The following BTAF1 variants were observed in gnomAD, a reference collection of about 807,000 sequenced individuals.
BTAF1 encodes the protein B-TFIID TATA-box binding protein associated factor 1.
In BTAF1, 38 loss-of-function variants were observed where a neutral mutation model predicts 227.1. That is an observed-to-expected ratio of 0.17 (90% CI 0.13 to 0.22). The LOEUF is 0.22. BTAF1 is among the 10% of genes least tolerant of loss of function. The pLI is 1.00. For synonymous variants in BTAF1, 742 were observed against 751.9 expected (o/e 0.99, Z 0.21); for missense variants, 1,598 against 2,204.0 (o/e 0.73, Z 5.51).
intron 35 of BTAF1, among the ~76,000 whole-genome samples, chr10:92,026,078 T>C (rs1397350528): frequency 6.6e-6 from 1 of 152,220 alleles, no homozygotes; most frequent in Non-Finnish European, 1.5e-5. Context: ...GCTTGACTTG[T>C]AGTAAGGATA....
At chr10:91,958,659 C>T (rs900460742) in intron 8 of BTAF1, among the ~76,000 whole-genome samples, 22 of 152,094 alleles carry the variant, frequency 1.4e-4, no homozygotes, top group African/African-American at 5.3e-4. Flanking sequence ...GCCAAGATTG[C>T]ACCACTGCCC....
intron 14 of BTAF1, among the ~76,000 whole-genome samples, chr10:91,969,040 ATT>A (rs77465388): frequency 1.0e-4 from 13 of 130,466 alleles, no homozygotes; most frequent in Non-Finnish European, 1.2e-4. Context: ...AAAAAAAAAA[ATT>A]TTTTTTTTTT....
At position 91,957,302 on chromosome 10, in the gene BTAF1, T is replaced by A; in HGVS notation, c.900+9T>A. The A allele has an allele frequency of 6.2e-7, 1 of 1,603,600 alleles. No homozygotes were observed. The highest frequency in any genetic ancestry group is 8.5e-7 in the Non-Finnish European group (1 of 1,172,110). On this transcript the variant is annotated intron_variant, in intron 8 of 37. Coordinates refer to ENST00000265990, the MANE Select transcript of BTAF1 (RefSeq NM_003972.3). ...TTAATCCCTCCTGGGAGGTAAGATT[T>A]CTTCATTACAGTTTTTCTCAGCTCT...
Position 91,996,482 on chromosome 10 carries a change from A to C in BTAF1, c.3423A>C (p.Thr1141=). 6.2e-7 allele frequency: 1 copy of C among 1,614,194 alleles called. No homozygotes were observed. Among genetic ancestry groups the C allele is most frequent in the Non-Finnish European group, 8.5e-7 (1 of 1,180,024 alleles). ...GVMSKIATME[T]MNIFLEKVLP... is the part of the protein sequence containing the mutation. ...TGAGCAAAATAGCTACCATGGAAACAATGAATATTTTTTTGGAGAAGGTTC... is the reference window on the plus strand; with the variant it reads ...TGAGCAAAATAGCTACCATGGAAACCATGAATATTTTTTTGGAGAAGGTTC... Residue 1141 remains threonine, a synonymous_variant, in exon 24 of 38, where the codon ACA becomes ACC. Coordinates refer to ENST00000265990, the MANE Select transcript of BTAF1 (RefSeq NM_003972.3).
chr10:92,013,865 T>C (rs1276903674), intron 31 of BTAF1, 34 bp from the exon 32 acceptor site: 1 of 1,612,930 alleles, frequency 6.2e-7, no homozygotes, highest in East Asian at 2.2e-5. Flanking sequence ...ATTCTTAACT[T>C]TTTTGAAGCC....
At chr10:91,928,760 T>TCCCCCCCCCCCCCC (rs60208547) in intron 1 of BTAF1, among the ~76,000 whole-genome samples, 1 of 111,812 alleles carries the variant, frequency 8.9e-6, no homozygotes, top group Non-Finnish European at 1.7e-5. Flanking sequence ...CAAGAATCCA[T>TCCCCCCCCCCCCCC]CCCCCCCCCC....
intron 30 of BTAF1, among the ~76,000 whole-genome samples, chr10:92,011,933 A>C (rs1564716224): frequency 6.6e-6 from 1 of 152,012 alleles, no homozygotes; most frequent in Non-Finnish European, 1.5e-5. Context: ...AAATGTTCAC[A>C]TCTAGCTTGG....
Position 91,992,041 on chromosome 10 carries a change from T to G in BTAF1, c.2855-78T>G, listed in dbSNP as rs1271970877. 3 of 1,236,854 alleles carry G rather than the reference T, an allele frequency of 2.4e-6. No homozygotes were observed. In the Admixed American group the frequency reaches 7.8e-5, roughly 32 times the overall value. The allele number at this position is 1,236,854 out of a possible 1,614,324, so 76.6% of individuals were successfully genotyped here. ...CCTAAAAGACATAGTTTAAAAATGT[T>G]TTATCTCTTATGGAGCTGAAAACAT... is the stretch of plus-strand genomic sequence containing the variant. On this transcript the variant is annotated intron_variant, in intron 20 of 37. Coordinates refer to ENST00000265990, the MANE Select transcript of BTAF1 (RefSeq NM_003972.3).
intron 5 of BTAF1, 101 bp from the exon 6 acceptor site, chr10:91,953,636 A>G (rs1178812744): frequency 3.1e-6 from 4 of 1,286,976 alleles, no homozygotes; most frequent in Non-Finnish European, 4.3e-6. Flanking sequence ...ATCGATGTAT[A>G]TATACTGAAA....
chr10:91,927,200 G>A (rs1328750807), intron 1 of BTAF1, among the ~76,000 whole-genome samples: 1 of 150,976 alleles, frequency 6.6e-6, no homozygotes, highest in Non-Finnish European at 1.5e-5. Context: ...GTGCAATGGT[G>A]CGTTCTTGAC....
At chr10:92,003,750 C>T (rs1320105246) in intron 25 of BTAF1, among the ~76,000 whole-genome samples, 3 of 152,122 alleles carry the variant, frequency 2.0e-5, no homozygotes, top group African/African-American at 7.2e-5. Flanking sequence ...ATTTCATTTC[C>T]TTTGGATATA....
intron 34 of BTAF1, among the ~76,000 whole-genome samples, chr10:92,023,082 A>G (rs1245667919): frequency 6.6e-6 from 1 of 152,192 alleles, no homozygotes; most frequent in African/African-American, 2.4e-5. Flanking sequence ...TTTGCCTAGC[A>G]TGGATCAAAA....
intron 1 of BTAF1, among the ~76,000 whole-genome samples, chr10:91,929,764 C>T (rs918346142): frequency 2.6e-5 from 4 of 151,918 alleles, no homozygotes; most frequent in African/African-American, 9.7e-5. Flanking sequence ...CTGTGTTGGC[C>T]AGGGTGGTCT....
chr10:91,959,411 G>T, intron 9 of BTAF1: 1 of 566,356 alleles, frequency 1.8e-6, no homozygotes, highest in African/African-American at 2.0e-5. Flanking sequence ...TATATGACCG[G>T]TGTGCTTGAT....
At chr10:91,965,258 T>G (rs1380282619) in intron 13 of BTAF1, among the ~76,000 whole-genome samples, 1 of 152,192 alleles carries the variant, frequency 6.6e-6, no homozygotes, top group Non-Finnish European at 1.5e-5. Flanking sequence ...GAAAGCCCTC[T>G]TTAAGCTGCA....
At chr10:91,959,951 T>A (rs556399977) in intron 10 of BTAF1, 27 bp from the exon 11 acceptor site, 21 of 1,600,910 alleles carry the variant, frequency 1.3e-5, no homozygotes, top group Middle Eastern at 3.3e-4. Context: ...TTTGCAAATA[T>A]GAGTTTTCTT....
At chr10:91,997,276 T>C (rs547708853) in intron 24 of BTAF1, 14 of 706,670 alleles carry the variant, frequency 2.0e-5, no homozygotes, top group African/African-American at 7.4e-5. Flanking sequence ...ATGTGACTTA[T>C]TTTATTTTGA....
chr10:91,940,661 A>ATTTTG (rs1844925573), intron 3 of BTAF1, among the ~76,000 whole-genome samples: 2 of 151,782 alleles, frequency 1.3e-5, no homozygotes, highest in Admixed American at 6.6e-5. Context: ...TTATTTTATT[A>ATTTTG]TTTTGTTTTA....
intron 2 of BTAF1, among the ~76,000 whole-genome samples, chr10:91,936,880 C>T (rs952843010): frequency 6.6e-6 from 1 of 152,176 alleles, no homozygotes; most frequent in African/African-American, 2.4e-5. Context: ...TGGTCTTCTT[C>T]ACTCAGACCT....
Sources: gnomAD v4.1 joint callset for allele counts (sites outside exome capture counted in the v4.1 genomes callset) on GRCh38, gnomAD v4.1.1 for gene constraint, MANE v1.5 for transcripts, NCBI Gene and HGNC (gene_info 2026-07-23, HGNC 2026-07-21) for gene names.